The following NTRK2 variants were observed in gnomAD, a reference collection of about 807,000 sequenced individuals.
NTRK2 encodes the protein neurotrophic receptor tyrosine kinase 2.
Under a neutral mutation model 94.5 loss-of-function variants are expected in NTRK2, and 13 were observed. That is an observed-to-expected ratio of 0.14 (90% CI 0.09 to 0.22). NTRK2 has a LOEUF of 0.22. Among genes scored for constraint, NTRK2 ranks in the 10% least tolerant of loss-of-function variants. The pLI is 1.00. For synonymous variants in NTRK2, 372 were observed against 407.4 expected (o/e 0.91, Z 1.05); for missense variants, 639 against 1,071.2 (o/e 0.60, Z 5.63).
chr9:84,741,869 CT>C, intron 9 of NTRK2, 22 bp from the exon 10 acceptor site: 1 of 1,608,876 alleles, frequency 6.2e-7, no homozygotes, highest in South Asian at 1.1e-5. Flanking sequence ...ACTTACAAAT[CT>C]TTGCTCTGTT....
intron 16 of NTRK2, among the ~76,000 whole-genome samples, chr9:84,951,273 C>T (rs772161240): frequency 1.3e-5 from 2 of 152,130 alleles, no homozygotes; most frequent in African/African-American, 2.4e-5. Flanking sequence ...CATTATCCTA[C>T]GTCAGCAAAA....
chr9:84,693,174 T>G (rs187423073), intron 2 of NTRK2, among the ~76,000 whole-genome samples: 1 of 152,356 alleles, frequency 6.6e-6, no homozygotes, highest in East Asian at 1.9e-4. Context: ...CCCTTGTTGG[T>G]CAGATCCCGA....
At chr9:84,999,998 G>A (rs55842146) in intron 17 of NTRK2, among the ~76,000 whole-genome samples, 22,412 of 152,190 alleles carry the variant, frequency 0.15, 1,783 homozygotes, top group Admixed American at 0.22. Context: ...TTTTTAAATG[G>A]CACGAATGGA....
At chr9:84,728,148 C>T (rs908032154) in intron 9 of NTRK2, among the ~76,000 whole-genome samples, 189 bp downstream of exon 9, 1 of 152,132 alleles carries the variant, frequency 6.6e-6, no homozygotes, top group Non-Finnish European at 1.5e-5. Context: ...AATTCAGGGT[C>T]ATGAAGCAGC....
chr9:84,952,785 T>C (rs1456861482), intron 16 of NTRK2, among the ~76,000 whole-genome samples: 2 of 152,168 alleles, frequency 1.3e-5, no homozygotes, highest in East Asian at 3.9e-4. Flanking sequence ...ATTAGGCATT[T>C]GAGGGCCACC....
At position 84,887,544 on chromosome 9, in the gene NTRK2, G is replaced by A. The variant is rs764610199; in HGVS notation, c.1633+20113G>A. Among the ~76,000 whole-genome samples the A allele has an allele frequency of 5.9e-5, 9 of 152,320 alleles. No homozygotes were observed. The South Asian group carries it at 1.2e-3, about 21-fold the overall frequency. ...GCCTTTAAAGGCCTCGGAGAAAAAC[G>A]ATGTGAGTTTCTAGAAGAAAATGAT... On this transcript the variant is annotated intron_variant, in intron 14 of 18. Transcript: ENST00000277120.
intron 12 of NTRK2, among the ~76,000 whole-genome samples, chr9:84,804,785 T>G (rs1174031940): frequency 3.3e-5 from 5 of 152,222 alleles, no homozygotes; most frequent in Non-Finnish European, 7.3e-5. Flanking sequence ...AATGACATCT[T>G]TAAGAAAATG....
chr9:84,900,796 C>A (rs2076903847), intron 14 of NTRK2, among the ~76,000 whole-genome samples: 1 of 152,088 alleles, frequency 6.6e-6, no homozygotes, highest in Non-Finnish European at 1.5e-5. Flanking sequence ...CTCATTGTAT[C>A]GATTCATTTA....
intron 17 of NTRK2, among the ~76,000 whole-genome samples, chr9:84,961,913 T>C (rs79846687): frequency 6.6e-6 from 1 of 152,248 alleles, no homozygotes; most frequent in Non-Finnish European, 1.5e-5. Flanking sequence ...TAGGCCAGGA[T>C]AGAGAGGAAG....
At chr9:84,709,937 G>A (rs2061328984) in intron 5 of NTRK2, among the ~76,000 whole-genome samples, 1 of 151,040 alleles carries the variant, frequency 6.6e-6, no homozygotes, top group Non-Finnish European at 1.5e-5. Context: ...CAGCTCAGTT[G>A]CCTTGCCCTC....
intron 17 of NTRK2, among the ~76,000 whole-genome samples, chr9:84,998,873 T>C (rs1477723054): frequency 6.6e-6 from 1 of 152,244 alleles, no homozygotes; most frequent in Admixed American, 6.5e-5. Flanking sequence ...GATGTCATTC[T>C]AGTGAAGTAC....
intron 14 of NTRK2, among the ~76,000 whole-genome samples, chr9:84,922,294 A>G (rs2077592229): frequency 6.6e-6 from 1 of 152,202 alleles, no homozygotes; most frequent in South Asian, 2.1e-4. Context: ...TTTCCAACCA[A>G]CACTTCAAGT....
chr9:84,966,194 T>A (rs1008875717), intron 17 of NTRK2, among the ~76,000 whole-genome samples: 2 of 152,212 alleles, frequency 1.3e-5, no homozygotes, highest in African/African-American at 2.4e-5. Context: ...TTTATGCTGA[T>A]GGAGGCATGG....
intron 15 of NTRK2, among the ~76,000 whole-genome samples, chr9:84,939,036 A>G (rs890015048): frequency 8.1e-6 from 1 of 123,962 alleles, no homozygotes; most frequent in African/African-American, 3.3e-5. Context: ...TGGGTGACAG[A>G]GTGAGACCCC....
chr9:84,932,584 T>C (rs962906637), intron 14 of NTRK2, among the ~76,000 whole-genome samples: 3 of 152,166 alleles, frequency 2.0e-5, no homozygotes, highest in Admixed American at 2.0e-4. Context: ...AAAAACATTT[T>C]AAAAAATGTT....
At chr9:84,737,642 AT>A (rs567763180) in intron 9 of NTRK2, among the ~76,000 whole-genome samples, 1 of 151,526 alleles carries the variant, frequency 6.6e-6, no homozygotes, top group Admixed American at 6.6e-5. Flanking sequence ...TTCTTTTACT[AT>A]TTTTTTCAAC....
In NTRK2 at chr9:84,737,497, A is replaced by G. The variant is rs114221155; in HGVS notation, c.1160-4395A>G. The stretch of plus-strand genomic sequence containing the variant: ...GGTTTGATGCTGTTGGGGAAAGAGG[A>G]AAGTGATTCCATCTTTGATGTGTGG... On this transcript the variant is annotated intron_variant, in intron 9 of 18. Coordinates refer to ENST00000277120, the MANE Select transcript of NTRK2 (RefSeq NM_006180.6). 9.7e-3 allele frequency among the ~76,000 whole-genome samples: 1,471 copies of G among 152,232 alleles called. 20 individuals carry two copies. Among genetic ancestry groups the G allele is most frequent in the African/African-American group, 0.034 (1,397 of 41,542 alleles).
At chr9:84,861,018 T>G (rs200876159) in intron 12 of NTRK2, 22 bp from the exon 13 acceptor site, 4 of 1,611,390 alleles carry the variant, frequency 2.5e-6, no homozygotes, top group Non-Finnish European at 3.4e-6. Flanking sequence ...AAGTTTATTT[T>G]ATGTTTTGTT....
At chr9:84,898,747 G>A (rs1429707112) in intron 14 of NTRK2, among the ~76,000 whole-genome samples, 1 of 151,654 alleles carries the variant, frequency 6.6e-6, no homozygotes, top group Admixed American at 6.6e-5. Flanking sequence ...CTGTTGCCCA[G>A]GCTGGAGTGC....
Sources: allele counts gnomAD v4.1 joint callset (sites outside exome capture counted in the v4.1 genomes callset), GRCh38; gene constraint gnomAD v4.1.1; transcripts MANE v1.5; gene names NCBI Gene and HGNC (gene_info 2026-07-23, HGNC 2026-07-21).